LRBA: variants seen among roughly 807,000 people sequenced by gnomAD.
LRBA encodes the protein LPS responsive beige-like anchor protein.
Under a neutral mutation model 330.0 loss-of-function variants are expected in LRBA, and 176 were observed. The observed-to-expected ratio is 0.53, with a 90% CI of 0.47 to 0.60. The LOEUF is 0.60. LRBA is among the 20% of genes least tolerant of loss of function. The pLI is 0.00. For synonymous variants in LRBA, 1,230 were observed against 1,193.0 expected (o/e 1.03, Z -0.64); for missense variants, 3,259 against 3,444.8 (o/e 0.95, Z 1.35).
chr4:150,406,421 A>C (rs574248383), intron 47 of LRBA, among the ~76,000 whole-genome samples: 5 of 152,244 alleles, frequency 3.3e-5, no homozygotes, highest in Non-Finnish European at 4.4e-5. Context: ...GATAAGTAAC[A>C]TGATCCAACT....
At chr4:150,859,021 C>T (rs1385161062) in intron 22 of LRBA, among the ~76,000 whole-genome samples, 1 of 151,902 alleles carries the variant, frequency 6.6e-6, no homozygotes, top group Non-Finnish European at 1.5e-5. Flanking sequence ...GTAGTTTTTT[C>T]TTATGTACAG....
intron 2 of LRBA, among the ~76,000 whole-genome samples, chr4:150,969,887 A>G (rs1739329609): frequency 6.6e-6 from 1 of 152,236 alleles, no homozygotes; most frequent in Admixed American, 6.5e-5. Context: ...GCAGAATTTG[A>G]GAGGACTGAC....
chr4:150,447,491 C>T (rs1424113288), intron 44 of LRBA, among the ~76,000 whole-genome samples: 4 of 152,178 alleles, frequency 2.6e-5, no homozygotes, highest in African/African-American at 9.7e-5. Flanking sequence ...GGGATTTACA[C>T]CATCAGCTCC....
chr4:150,390,059 G>A (rs1191604828), intron 47 of LRBA, among the ~76,000 whole-genome samples: 1 of 151,902 alleles, frequency 6.6e-6, no homozygotes, highest in Non-Finnish European at 1.5e-5. Context: ...GCATTCTAAT[G>A]GGTAATTCTT....
intron 36 of LRBA, among the ~76,000 whole-genome samples, chr4:150,727,794 G>C (rs1729903315): frequency 6.6e-6 from 1 of 151,922 alleles, no homozygotes; most frequent in African/African-American, 2.4e-5. Flanking sequence ...ACCTAATAAT[G>C]CATCTTAAAG....
At chr4:150,455,422 C>T (rs1279386226) in intron 44 of LRBA, among the ~76,000 whole-genome samples, 2 of 151,808 alleles carry the variant, frequency 1.3e-5, no homozygotes, top group Non-Finnish European at 2.9e-5. Context: ...GAAAATGTGG[C>T]ACATATACAC....
At chr4:150,830,637 A>G (rs1002614325) in intron 29 of LRBA, among the ~76,000 whole-genome samples, 1 of 152,194 alleles carries the variant, frequency 6.6e-6, no homozygotes, top group Non-Finnish European at 1.5e-5. Flanking sequence ...AGGAAAGATT[A>G]AAATGGTTAT....
intron 2 of LRBA, among the ~76,000 whole-genome samples, chr4:151,000,737 C>T (rs901858400): frequency 2.6e-5 from 4 of 152,220 alleles, no homozygotes; most frequent in Non-Finnish European, 4.4e-5. Flanking sequence ...TGACTAGAGG[C>T]ATCTCCTACT....
Position 150,875,188 on chromosome 4 carries a change from T to A in LRBA, c.2166-2433A>T, listed in dbSNP as rs146673924. On this transcript the variant is annotated intron_variant, in intron 17 of 56. Coordinates refer to ENST00000651943, the MANE Select transcript of LRBA (RefSeq NM_001364905.1). Reference sequence around the variant, plus strand: ...TCTCTGTTTCACACCCAAGCCTATCTCCAGGGATTCAAAATAACTGCTTGC... The same window carrying A: ...TCTCTGTTTCACACCCAAGCCTATCACCAGGGATTCAAAATAACTGCTTGC... Among the ~76,000 whole-genome samples, 343 of 152,258 alleles carry A rather than the reference T, an allele frequency of 2.3e-3. 1 individual carries two copies. The highest frequency in any genetic ancestry group is 7.8e-3 in the African/African-American group (326 of 41,540).
chr4:150,486,662 A>T (rs1465767386), intron 42 of LRBA, among the ~76,000 whole-genome samples: 1 of 151,760 alleles, frequency 6.6e-6, no homozygotes, highest in African/African-American at 2.4e-5. Flanking sequence ...ATTTTTTGTA[A>T]TCTAGTCTCC....
intron 2 of LRBA, among the ~76,000 whole-genome samples, chr4:150,997,666 C>T (rs1742822424): frequency 6.6e-6 from 1 of 151,792 alleles, no homozygotes; most frequent in South Asian, 2.1e-4. Flanking sequence ...AAACATGACT[C>T]CTTTATATTA....
intron 46 of LRBA, among the ~76,000 whole-genome samples, chr4:150,434,020 A>G (rs1353618812): frequency 6.6e-6 from 1 of 152,172 alleles, no homozygotes; most frequent in Non-Finnish European, 1.5e-5. Flanking sequence ...TCATACCTAA[A>G]AGCAAGATGC....
At chr4:150,683,048 T>C (rs1440982566) in intron 37 of LRBA, among the ~76,000 whole-genome samples, 1 of 152,100 alleles carries the variant, frequency 6.6e-6, no homozygotes, top group Non-Finnish European at 1.5e-5. Context: ...TTTAACCAAG[T>C]TTATCATCAC....
intron 40 of LRBA, among the ~76,000 whole-genome samples, chr4:150,552,453 T>C (rs1766728114): frequency 1.3e-5 from 2 of 152,064 alleles, no homozygotes; most frequent in Admixed American, 6.5e-5. Flanking sequence ...TGAGATACCA[T>C]CTCACACCAG....
chr4:150,292,579 C>G (rs1248496955), intron 53 of LRBA, among the ~76,000 whole-genome samples: 1 of 152,184 alleles, frequency 6.6e-6, no homozygotes, highest in Non-Finnish European at 1.5e-5. Context: ...TGACTCCTGG[C>G]TGGGCCAGAA....
At chr4:150,965,700 C>T (rs1041706853) in intron 2 of LRBA, among the ~76,000 whole-genome samples, 145 of 151,864 alleles carry the variant, frequency 9.5e-4, no homozygotes, top group Non-Finnish European at 1.5e-3. Flanking sequence ...CGACCATGCC[C>T]GGCTAATTTT....
At chr4:150,355,298 A>G (rs573573824) in intron 47 of LRBA, among the ~76,000 whole-genome samples, 6 of 151,992 alleles carry the variant, frequency 3.9e-5, no homozygotes, top group Non-Finnish European at 7.4e-5. Context: ...CAACAAAGGA[A>G]ATTATTAGAT....
At chr4:150,499,178 T>G (rs954603071) in intron 40 of LRBA, among the ~76,000 whole-genome samples, 24 of 152,176 alleles carry the variant, frequency 1.6e-4, no homozygotes, top group Non-Finnish European at 3.4e-4. Context: ...TTCAAATTGT[T>G]TTTTCTTCAA....
At chr4:150,354,839 A>T (rs1251737206) in intron 47 of LRBA, among the ~76,000 whole-genome samples, 10 of 152,130 alleles carry the variant, frequency 6.6e-5, no homozygotes. Flanking sequence ...TTCTGCATAC[A>T]GAATATCAAC....
Sources: gnomAD v4.1 joint callset for allele counts (sites outside exome capture counted in the v4.1 genomes callset) on GRCh38, gnomAD v4.1.1 for gene constraint, MANE v1.5 for transcripts, NCBI Gene and HGNC (gene_info 2026-07-23, HGNC 2026-07-21) for gene names.